Variants in RANBP2 observed in about 807,000 individuals in gnomAD.
RANBP2 encodes the protein E3 SUMO-protein ligase RanBP2.
In RANBP2, 57 loss-of-function variants were observed where a neutral mutation model predicts 303.6. The observed-to-expected ratio is 0.19, with a 90% CI of 0.15 to 0.23. The LOEUF (loss-of-function observed/expected upper bound fraction) is 0.23. Among genes scored for constraint, RANBP2 ranks in the 10% least tolerant of loss-of-function variants. The pLI is 1.00. For synonymous variants in RANBP2, 1,167 were observed against 1,301.5 expected (o/e 0.90, Z 2.23); for missense variants, 3,138 against 3,780.8 (o/e 0.83, Z 4.46).
chr2:109,461,967 C>T, the RANBP2 span, among the ~76,000 whole-genome samples: 6 of 152,196 alleles, frequency 3.9e-5, no homozygotes, highest in East Asian at 5.8e-4. Context: ...AGGGGCTAGA[C>T]GTAACCACTT....
the RANBP2 span, among the ~76,000 whole-genome samples, chr2:109,628,500 TAATA>T: frequency 0.18 from 26,359 of 146,802 alleles, 2,978 homozygotes; most frequent in Non-Finnish European, 0.26. Context: ...TCTCAAAAAA[TAATA>T]AATAAATAAA....
intron 6 of RANBP2, among the ~76,000 whole-genome samples, chr2:108,736,510 G>C (rs1695596006): frequency 6.6e-6 from 1 of 152,082 alleles, no homozygotes; most frequent in African/African-American, 2.4e-5. Flanking sequence ...TAAATACTCA[G>C]TTTTGTCATA....
the RANBP2 span, among the ~76,000 whole-genome samples, chr2:109,281,323 G>A: frequency 1.3e-5 from 2 of 152,132 alleles, no homozygotes; most frequent in East Asian, 1.9e-4. Flanking sequence ...TTCCTTCCCC[G>A]GGCCCCCTCC....
the RANBP2 span, among the ~76,000 whole-genome samples, chr2:109,449,819 G>A: frequency 5.3e-5 from 8 of 152,174 alleles, no homozygotes; most frequent in Non-Finnish European, 1.2e-4. Context: ...GTTAGAACAG[G>A]ATATTTATTG....
chr2:108,874,960 A>G, the RANBP2 span, among the ~76,000 whole-genome samples: 1 of 151,608 alleles, frequency 6.6e-6, no homozygotes, highest in African/African-American at 2.4e-5. Flanking sequence ...GTGCAAGTAT[A>G]ACCTTGGGCC....
the RANBP2 span, among the ~76,000 whole-genome samples, chr2:108,926,809 G>A: frequency 7.9e-5 from 12 of 152,218 alleles, no homozygotes; most frequent in Non-Finnish European, 1.6e-4. Flanking sequence ...GAGAGACTGG[G>A]ACAAGGCAAT....
chr2:108,725,740 A>G (rs1160781592), intron 1 of RANBP2, among the ~76,000 whole-genome samples: 1 of 151,790 alleles, frequency 6.6e-6, no homozygotes, highest in East Asian at 1.9e-4. Flanking sequence ...AAAAAAAAAA[A>G]GGAAGGGGGG....
the RANBP2 span, among the ~76,000 whole-genome samples, chr2:109,625,134 A>G: frequency 6.6e-6 from 1 of 151,554 alleles, no homozygotes; most frequent in Non-Finnish European, 1.5e-5. Flanking sequence ...AAAGAAAAAG[A>G]AACGCATAAT....
At chr2:109,671,797 C>A in the RANBP2 span, among the ~76,000 whole-genome samples, 1 of 150,910 alleles carries the variant, frequency 6.6e-6, no homozygotes, top group Non-Finnish European at 1.5e-5. Flanking sequence ...GGGTGTCTAT[C>A]TTTTTGCTTG....
At chr2:109,171,130 C>T in the RANBP2 span, among the ~76,000 whole-genome samples, 1 of 152,118 alleles carries the variant, frequency 6.6e-6, no homozygotes, top group Non-Finnish European at 1.5e-5. Context: ...ATCTGCAGCA[C>T]CTAGATCATT....
At chr2:108,876,165 A>T in the RANBP2 span, 5 of 1,612,828 alleles carry the variant, frequency 3.1e-6, no homozygotes, top group Non-Finnish European at 4.2e-6. Context: ...AACCCAGAGC[A>T]TGCATTTCTC....
rs756030875 is a variant in RANBP2, at chr2:108,764,798, A to C, written c.4259A>C (p.Asp1420Ala). 1.9e-6 allele frequency: 3 copies of C among 1,614,078 alleles called. No homozygotes were observed. In the South Asian group the frequency reaches 3.3e-5, roughly 18 times the overall value. The change falls in exon 20 of 29, where the codon GAT becomes GCT. Residue 1420 changes from aspartate (D) to alanine (A), a missense_variant. Around this residue, in one of 20 missense-constraint regions of RANBP2, gnomAD observed 388 missense variants for 328.5 expected, o/e 1.18. Coordinates refer to ENST00000283195, the MANE Select transcript of RANBP2 (RefSeq NM_006267.5). ...LVTPKKEGHW[D>A]CSICLVRNEP... ...ACTCCAAAGAAAGAAGGTCACTGGG[A>C]TTGTAGTATTTGTTTAGTAAGAAAT...
chr2:108,735,822 G>A, intron 5 of RANBP2, 60 bp downstream of exon 5: 1 of 1,597,468 alleles, frequency 6.3e-7, no homozygotes, highest in Non-Finnish European at 8.5e-7. Context: ...ACATCTTTTT[G>A]TACTAAAGCA....
chr2:109,536,238 G>T, the RANBP2 span, among the ~76,000 whole-genome samples: 1 of 152,164 alleles, frequency 6.6e-6, no homozygotes, highest in Non-Finnish European at 1.5e-5. Context: ...AAAAGCTGCA[G>T]ACACTCAATG....
chr2:109,067,525 C>T, the RANBP2 span, among the ~76,000 whole-genome samples: 1 of 152,176 alleles, frequency 6.6e-6, no homozygotes, highest in Non-Finnish European at 1.5e-5. Flanking sequence ...CGGGCAAGTC[C>T]CTCCACCGCT....
rs190323418 is a variant in RANBP2 at position 108,784,200 on chromosome 2, T to A, written c.*299T>A. The A allele has an allele frequency of 1.8e-3, 517 of 279,970 alleles. 4 individuals are homozygous for A. Among genetic ancestry groups the A allele is most frequent in the African/African-American group, 0.011 (494 of 45,738 alleles). The allele number at this position is 279,970 out of a possible 1,614,324, so 17.3% of individuals were successfully genotyped here. On this transcript the variant is annotated 3_prime_UTR_variant, in exon 29 of 29. Coordinates refer to ENST00000283195, the MANE Select transcript of RANBP2 (RefSeq NM_006267.5). ...AATAGACCTCAAACTATTGAAGGAA[T>A]ATGATATATGCAATTTAATTTTAAT... is the stretch of plus-strand genomic sequence containing the variant.
At chr2:109,370,211 C>CTCTGTT in the RANBP2 span, among the ~76,000 whole-genome samples, 1 of 149,426 alleles carries the variant, frequency 6.7e-6, no homozygotes, top group East Asian at 1.9e-4. Context: ...CTGTCTCTGT[C>CTCTGTT]TCTGTCTCTG....
intron 24 of RANBP2, among the ~76,000 whole-genome samples, chr2:108,776,424 ATTGC>A (rs1438031335): frequency 6.6e-6 from 1 of 152,126 alleles, no homozygotes; most frequent in East Asian, 1.9e-4. Context: ...CATATTTGGT[ATTGC>A]TTTCTCTCTT....
chr2:109,339,693 ACTC>A, the RANBP2 span, among the ~76,000 whole-genome samples: 1 of 151,906 alleles, frequency 6.6e-6, no homozygotes, highest in Admixed American at 6.6e-5. Context: ...TTGCTCAAGT[ACTC>A]CTCTAAGTAC....
Sources: allele counts gnomAD v4.1 joint callset (sites outside exome capture counted in the v4.1 genomes callset), GRCh38; gene constraint gnomAD v4.1.1; regional missense constraint gnomAD v4.1.1; transcripts MANE v1.5; gene names NCBI Gene and HGNC (gene_info 2026-07-23, HGNC 2026-07-21).